NTM: variants seen among roughly 807,000 people sequenced by gnomAD.
NTM encodes neurotrimin.
In NTM, 13 loss-of-function variants were observed where a neutral mutation model predicts 42.1. The ratio of observed to expected loss-of-function variants is 0.31; its 90% CI spans 0.20 to 0.49. The LOEUF is 0.49. Ranked by LOEUF, NTM falls within the 20% of genes least tolerant of loss-of-function variation. NTM has a pLI of 0.99. For synonymous variants in NTM, 187 were observed against 179.2 expected, an observed-to-expected ratio of 1.04 and a Z score of -0.35; for missense variants, 373 against 452.8, an observed-to-expected ratio of 0.82 and a Z score of 1.60.
At chr11:131,680,457 G>T (rs1316843511) in intron 1 of NTM, among the ~76,000 whole-genome samples, 10 of 147,526 alleles carry the variant, frequency 6.8e-5, no homozygotes, top group East Asian at 4.1e-4. Flanking sequence ...CTGTGTCTGT[G>T]TCTGTGAGTG....
At chr11:132,275,748 G>GTATATATATA (rs1192967159) in intron 4 of NTM, among the ~76,000 whole-genome samples, 2 of 58,930 alleles carry the variant, frequency 3.4e-5, no homozygotes, top group Non-Finnish European at 6.0e-5. Flanking sequence ...ATATATATAT[G>GTATATATATA]TGTATATATA....
intron 2 of NTM, among the ~76,000 whole-genome samples, chr11:131,930,991 T>G (rs2058532851): frequency 6.6e-6 from 1 of 152,118 alleles, no homozygotes; most frequent in African/African-American, 2.4e-5. Context: ...CCTGCTAAAA[T>G]ATTAAATAAA....
intron 2 of NTM, among the ~76,000 whole-genome samples, chr11:132,050,431 G>A (rs774817558): frequency 6.6e-6 from 1 of 152,254 alleles, no homozygotes; most frequent in Non-Finnish European, 1.5e-5. Context: ...TAACAAAGTT[G>A]GGGGGAAAGG....
At chr11:132,326,075 A>T (rs2095674843) in intron 7 of NTM, among the ~76,000 whole-genome samples, 1 of 152,140 alleles carries the variant, frequency 6.6e-6, no homozygotes, top group Non-Finnish European at 1.5e-5. Flanking sequence ...CTAAATGACG[A>T]GTTAATGGGT....
At chr11:131,806,546 GTAATA>G (rs887900440) in intron 1 of NTM, among the ~76,000 whole-genome samples, 12 of 152,072 alleles carry the variant, frequency 7.9e-5, no homozygotes, top group Admixed American at 4.6e-4. Context: ...ATGTTAAACT[GTAATA>G]TAATATAATT....
At chr11:132,282,976 C>CTTTTTTTT (rs142817071) in intron 4 of NTM, among the ~76,000 whole-genome samples, 3,533 of 108,588 alleles carry the variant, frequency 0.033, 289 homozygotes, top group African/African-American at 0.1. Flanking sequence ...TCCTTTATTC[C>CTTTTTTTT]TTTTTTTTTT....
intron 3 of NTM, among the ~76,000 whole-genome samples, chr11:132,174,778 C>T (rs1002089848): frequency 5.3e-5 from 8 of 152,186 alleles, no homozygotes; most frequent in Non-Finnish European, 1.0e-4. Context: ...ATTTAAACCA[C>T]GATCGCCTTG....
At chr11:132,320,097 A>G (rs2095526558) in intron 7 of NTM, among the ~76,000 whole-genome samples, 4 of 152,244 alleles carry the variant, frequency 2.6e-5, no homozygotes, top group Admixed American at 2.6e-4. Flanking sequence ...AAGGACATCC[A>G]CACCAAAAAC....
intron 1 of NTM, among the ~76,000 whole-genome samples, chr11:131,901,654 G>GAA (rs370371583): frequency 3.5e-5 from 5 of 144,310 alleles, no homozygotes; most frequent in Non-Finnish European, 6.1e-5. Flanking sequence ...CTCTGCCTTT[G>GAA]AAAAAAAAAA....
At chr11:131,890,833 T>C (rs2137493312) in intron 1 of NTM, among the ~76,000 whole-genome samples, 1 of 152,330 alleles carries the variant, frequency 6.6e-6, no homozygotes, top group African/African-American at 2.4e-5. Context: ...CTACTCATTG[T>C]CTGTGTCTCT....
At chr11:131,935,588 TCA>T (rs2059122125) in intron 2 of NTM, among the ~76,000 whole-genome samples, 1 of 151,822 alleles carries the variant, frequency 6.6e-6, no homozygotes. Context: ...GAGAAGGGTG[TCA>T]TGAGGATAGG....
intron 1 of NTM, among the ~76,000 whole-genome samples, chr11:131,671,932 G>T (rs2070341422): frequency 6.6e-6 from 1 of 152,134 alleles, no homozygotes; most frequent in Non-Finnish European, 1.5e-5. Flanking sequence ...AGAGGCCTCT[G>T]TCCCGGCTCC....
At chr11:132,295,821 G>A (rs562482572) in intron 4 of NTM, among the ~76,000 whole-genome samples, 40 of 152,284 alleles carry the variant, frequency 2.6e-4, no homozygotes, top group Admixed American at 5.9e-4. Flanking sequence ...GCAGAGGTGG[G>A]ACTGACTCTT....
intron 1 of NTM, among the ~76,000 whole-genome samples, chr11:131,382,029 A>G (rs1474749051): frequency 1.3e-5 from 2 of 152,216 alleles, no homozygotes; most frequent in Non-Finnish European, 2.9e-5. Context: ...CTCAATATCA[A>G]TTCTATCCTT....
intron 6 of NTM, among the ~76,000 whole-genome samples, chr11:132,314,014 T>TGAAGAGG (rs2095355644): frequency 6.6e-6 from 1 of 152,168 alleles, no homozygotes; most frequent in African/African-American, 2.4e-5. Context: ...CTCCTCTTCA[T>TGAAGAGG]AGCCAAAAAA....
chr11:131,434,981 G>A (rs1949004959), intron 1 of NTM, among the ~76,000 whole-genome samples: 1 of 152,180 alleles, frequency 6.6e-6, no homozygotes. Context: ...GCGTAAGGAA[G>A]GGATCCAGTT....
intron 1 of NTM, among the ~76,000 whole-genome samples, chr11:131,724,970 T>C (rs898382561): frequency 6.6e-6 from 1 of 152,104 alleles, no homozygotes; most frequent in Non-Finnish European, 1.5e-5. Flanking sequence ...TCAGGAGCCA[T>C]GGGGTAGGTT....
At chr11:131,820,893 C>T (rs1180302845) in intron 1 of NTM, among the ~76,000 whole-genome samples, 2 of 152,086 alleles carry the variant, frequency 1.3e-5, no homozygotes, top group Non-Finnish European at 2.9e-5. Flanking sequence ...ATTACAAACG[C>T]GGCCACTATG....
In NTM at chr11:131,370,731, C is replaced by A; in HGVS notation, c.-76C>A. 2 of 1,267,826 alleles carry A rather than the reference C, an allele frequency of 1.6e-6. No homozygotes were observed. Among genetic ancestry groups the A allele is most frequent in the Non-Finnish European group, 2.3e-6 (2 of 888,504 alleles). 78.5% of individuals were successfully genotyped at this position (1,267,826 alleles called of 1,614,324 possible). On this transcript the variant is annotated 5_prime_UTR_variant, in exon 1 of 9. Transcript: ENST00000683400. The stretch of plus-strand genomic sequence containing the variant: ...TCTCCTTGCACAAGCTTGAGAGCAA[C>A]ACAATCTATCAGGAAAGAAAGAAAG...
Sources: allele counts gnomAD v4.1 joint callset (sites outside exome capture counted in the v4.1 genomes callset), GRCh38; gene constraint gnomAD v4.1.1; transcripts MANE v1.5; gene names NCBI Gene and HGNC (gene_info 2026-07-23, HGNC 2026-07-21).